The following PDE11A variants were observed in gnomAD, a reference collection of about 807,000 sequenced individuals.
PDE11A encodes phosphodiesterase 11A.
A neutral mutation model predicts 100.5 loss-of-function variants in PDE11A; 100 were observed. The ratio of observed to expected loss-of-function variants is 1.00; its 90% CI spans 0.85 to 1.18. The LOEUF is 1.18. PDE11A is among the 50% of genes most tolerant of loss of function. PDE11A has a pLI of 0.00. For synonymous variants in PDE11A, 381 were observed against 420.8 expected, an observed-to-expected ratio of 0.91 and a Z score of 1.16; for missense variants, 1,141 against 1,152.6, an observed-to-expected ratio of 0.99 and a Z score of 0.15.
At chr2:177,860,115 G>C (rs2083920006) in intron 5 of PDE11A, among the ~76,000 whole-genome samples, 1 of 151,626 alleles carries the variant, frequency 6.6e-6, no homozygotes, top group Non-Finnish European at 1.5e-5. Flanking sequence ...ATAAAGACTA[G>C]AGGGAGAATA....
chr2:178,052,193 C>T (rs1465908692), intron 1 of PDE11A, among the ~76,000 whole-genome samples: 5 of 152,166 alleles, frequency 3.3e-5, no homozygotes, highest in African/African-American at 1.2e-4. Flanking sequence ...CAAATTAGAA[C>T]TCAGGATTAA....
intron 2 of PDE11A, among the ~76,000 whole-genome samples, chr2:177,972,045 A>T (rs1306592028): frequency 6.6e-6 from 1 of 152,214 alleles, no homozygotes; most frequent in Non-Finnish European, 1.5e-5. Flanking sequence ...GATGAAAGTG[A>T]TACCAGCAGT....
chr2:177,754,357 A>G (rs2082063694), intron 10 of PDE11A, among the ~76,000 whole-genome samples: 1 of 151,268 alleles, frequency 6.6e-6, no homozygotes, highest in South Asian at 2.1e-4. Context: ...ATGCAAAAAC[A>G]AAAAACAAAA....
chr2:177,809,481 G>A (rs900523203), intron 9 of PDE11A, among the ~76,000 whole-genome samples: 1 of 152,150 alleles, frequency 6.6e-6, no homozygotes, highest in Non-Finnish European at 1.5e-5. Flanking sequence ...CAGCCAGGCA[G>A]TTATCTGAAG....
intron 6 of PDE11A, among the ~76,000 whole-genome samples, chr2:177,838,761 G>C (rs2105620242): frequency 6.6e-6 from 1 of 152,306 alleles, no homozygotes; most frequent in African/African-American, 2.4e-5. Context: ...TATAAATGTT[G>C]ACATCTGTAA....
chr2:177,825,879 C>G (rs1349550977), intron 6 of PDE11A, among the ~76,000 whole-genome samples: 1 of 152,160 alleles, frequency 6.6e-6, no homozygotes, highest in African/African-American at 2.4e-5. Context: ...ACAGCTGATT[C>G]TCATCTTTGT....
chr2:177,953,084 T>C (rs1433855742), intron 2 of PDE11A: 3 of 152,100 alleles, frequency 2.0e-5, no homozygotes, highest in Non-Finnish European at 2.9e-5. Context: ...GCCACGGAAA[T>C]GAAATAGGCA....
intron 2 of PDE11A, among the ~76,000 whole-genome samples, chr2:177,929,508 A>G (rs1206673848): frequency 1.3e-5 from 2 of 152,196 alleles, no homozygotes; most frequent in African/African-American, 2.4e-5. Context: ...AAAGCCTGCT[A>G]GGATGAACTT....
At chr2:178,036,571 C>T (rs1356797394) in intron 1 of PDE11A, among the ~76,000 whole-genome samples, 1 of 152,080 alleles carries the variant, frequency 6.6e-6, no homozygotes, top group East Asian at 1.9e-4. Context: ...CCAAGACAAT[C>T]CTAAGAAAAA....
At chr2:177,915,364 T>G (rs1470426807) in intron 2 of PDE11A, among the ~76,000 whole-genome samples, 3 of 152,228 alleles carry the variant, frequency 2.0e-5, no homozygotes, top group Admixed American at 2.0e-4. Context: ...TCCTTCTCCC[T>G]CAGTCTCTGG....
At chr2:177,781,446 T>G (rs2082452172) in intron 9 of PDE11A, among the ~76,000 whole-genome samples, 1 of 152,088 alleles carries the variant, frequency 6.6e-6, no homozygotes, top group African/African-American at 2.4e-5. Context: ...CCAATAGAGT[T>G]TGCGGTCAAT....
intron 12 of PDE11A, among the ~76,000 whole-genome samples, chr2:177,718,682 C>A (rs1239057172): frequency 6.6e-6 from 1 of 152,084 alleles, no homozygotes; most frequent in Non-Finnish European, 1.5e-5. Flanking sequence ...AGATGTATAT[C>A]AAGATATTAT....
At chr2:177,808,913 A>G (rs1362332573) in intron 9 of PDE11A, among the ~76,000 whole-genome samples, 1 of 152,220 alleles carries the variant, frequency 6.6e-6, no homozygotes, top group African/African-American at 2.4e-5. Context: ...TATACTTACA[A>G]TGGAATATTA....
At chr2:177,933,873 A>G (rs2085239453) in intron 2 of PDE11A, among the ~76,000 whole-genome samples, 1 of 152,150 alleles carries the variant, frequency 6.6e-6, no homozygotes, top group Non-Finnish European at 1.5e-5. Context: ...AAAAATAAGC[A>G]ATTGTGAAAG....
At chr2:177,910,797 C>G (rs2084869334) in intron 2 of PDE11A, among the ~76,000 whole-genome samples, 1 of 152,082 alleles carries the variant, frequency 6.6e-6, no homozygotes, top group East Asian at 1.9e-4. Context: ...TATCAATGTA[C>G]ACAAAAAAAG....
chr2:177,916,435 T>A (rs2084954409), intron 2 of PDE11A, among the ~76,000 whole-genome samples: 1 of 152,208 alleles, frequency 6.6e-6, no homozygotes, highest in Non-Finnish European at 1.5e-5. Flanking sequence ...ATCAGCCACA[T>A]CTGCTACCTT....
At chr2:178,005,162 A>G (rs188921940) in intron 2 of PDE11A, among the ~76,000 whole-genome samples, 1 of 151,754 alleles carries the variant, frequency 6.6e-6, no homozygotes, top group African/African-American at 2.4e-5. Context: ...GTAAAGGGGA[A>G]AAAAAGAAAG....
intron 19 of PDE11A, among the ~76,000 whole-genome samples, chr2:177,655,849 A>G (rs1211056431): frequency 6.6e-6 from 1 of 152,246 alleles, no homozygotes; most frequent in Non-Finnish European, 1.5e-5. Flanking sequence ...TCTCGAAATC[A>G]TATGTATGCA....
At chr2:177,969,897 T>C (rs2105796170) in intron 2 of PDE11A, among the ~76,000 whole-genome samples, 1 of 152,270 alleles carries the variant, frequency 6.6e-6, no homozygotes, top group African/African-American at 2.4e-5. Flanking sequence ...AATACAATGT[T>C]GAAAAAAAAT....
Sources: gnomAD v4.1 joint callset for allele counts (sites outside exome capture counted in the v4.1 genomes callset) on GRCh38, gnomAD v4.1.1 for gene constraint, MANE v1.5 for transcripts, NCBI Gene and HGNC (gene_info 2026-07-23, HGNC 2026-07-21) for gene names.